ENAH: variants seen among roughly 807,000 people sequenced by gnomAD.
ENAH encodes the protein ENAH actin regulator, also known as protein enabled homolog.
In ENAH, 23 loss-of-function variants were observed where a neutral mutation model predicts 78.7. The ratio of observed to expected loss-of-function variants is 0.29; its 90% CI spans 0.21 to 0.41. The LOEUF is 0.41. Among genes scored for constraint, ENAH ranks in the 10% least tolerant of loss-of-function variants. ENAH has a pLI of 1.00. For synonymous variants in ENAH, 226 were observed against 241.0 expected, an observed-to-expected ratio of 0.94 and a Z score of 0.58; for missense variants, 544 against 691.0, an observed-to-expected ratio of 0.79 and a Z score of 2.39.
intron 7 of ENAH, 42 bp from the exon 8 acceptor site, chr1:225,513,058 C>T: frequency 6.6e-7 from 1 of 1,505,958 alleles, no homozygotes; most frequent in Non-Finnish European, 8.9e-7. Context: ...CTATGTTAGA[C>T]AACCATATTT....
chr1:225,590,905 T>C (rs1465561404), intron 1 of ENAH, among the ~76,000 whole-genome samples: 1 of 152,140 alleles, frequency 6.6e-6, no homozygotes, highest in Admixed American at 6.5e-5. Context: ...ACCTAGAAAA[T>C]ATAATATCCT....
intron 1 of ENAH, among the ~76,000 whole-genome samples, chr1:225,596,969 T>A (rs972720410): frequency 6.6e-6 from 1 of 152,178 alleles, no homozygotes; most frequent in Non-Finnish European, 1.5e-5. Context: ...AGCTGTTAGG[T>A]GTACTGTTTC....
chr1:225,597,330 G>A (rs2096906557), intron 1 of ENAH, among the ~76,000 whole-genome samples: 1 of 152,102 alleles, frequency 6.6e-6, no homozygotes, highest in Non-Finnish European at 1.5e-5. Context: ...CATCAAAAAT[G>A]TCTATGTTAA....
chr1:225,601,948 G>C (rs2096933284), intron 1 of ENAH, among the ~76,000 whole-genome samples: 1 of 151,570 alleles, frequency 6.6e-6, no homozygotes, highest in Admixed American at 6.6e-5. Flanking sequence ...ACAAAGAAAA[G>C]CCAAATAAAT....
chr1:225,541,785 G>T (rs1045559525), intron 3 of ENAH, among the ~76,000 whole-genome samples: 1 of 152,152 alleles, frequency 6.6e-6, no homozygotes, highest in African/African-American at 2.4e-5. Context: ...ATCATCAGAA[G>T]AACTTATTCT....
At chr1:225,608,218 C>CAAAAA (rs1313431806) in intron 1 of ENAH, among the ~76,000 whole-genome samples, 1 of 37,212 alleles carries the variant, frequency 2.7e-5, no homozygotes, top group African/African-American at 1.0e-4. Flanking sequence ...ATATAAAAAA[C>CAAAAA]AGAAAAAAAA....
At chr1:225,571,416 A>T (rs1266970051) in intron 1 of ENAH, among the ~76,000 whole-genome samples, 1 of 152,058 alleles carries the variant, frequency 6.6e-6, no homozygotes, top group Non-Finnish European at 1.5e-5. Flanking sequence ...GAAAAGTTGC[A>T]CTTGGGGGCC....
At chr1:225,591,148 A>G (rs890939881) in intron 1 of ENAH, among the ~76,000 whole-genome samples, 1 of 152,110 alleles carries the variant, frequency 6.6e-6, no homozygotes, top group Non-Finnish European at 1.5e-5. Flanking sequence ...TGGACTATAC[A>G]TTTTTTTCTC....
intron 1 of ENAH, among the ~76,000 whole-genome samples, chr1:225,644,664 A>T (rs546629844): frequency 1.3e-5 from 2 of 152,186 alleles, no homozygotes; most frequent in Non-Finnish European, 2.9e-5. Flanking sequence ...CCAAGTTGCA[A>T]ATGTAACAGA....
chr1:225,513,016 T>C lies in ENAH; in HGVS notation c.1219A>G (p.Met407Val). ...CCACTTGGGAAAGAGGTATCCTCCA[T>C]CTTAATGAGAATATACAGACATAAT... The part of the protein sequence containing the change: ...AGAKLRKVSR[M>V]EDTSFPSGGN... The change falls in exon 8 of 14, where the codon ATG (methionine) becomes GTG (valine). Residue 407 changes from methionine (M) to valine (V), a missense_variant and splice_region_variant. Transcript: ENST00000366843. 6.2e-7 allele frequency: 1 copy of C among 1,611,004 alleles called. No homozygotes were observed. The highest frequency in any genetic ancestry group is 8.5e-7 in the Non-Finnish European group (1 of 1,178,952).
At chr1:225,624,532 G>A (rs995571532) in intron 1 of ENAH, among the ~76,000 whole-genome samples, 1 of 152,080 alleles carries the variant, frequency 6.6e-6, no homozygotes, top group African/African-American at 2.4e-5. Flanking sequence ...GCTGAGGAAG[G>A]AGAATCGCTT....
intron 4 of ENAH, among the ~76,000 whole-genome samples, chr1:225,523,304 A>C (rs547458260): frequency 6.6e-6 from 1 of 151,610 alleles, no homozygotes; most frequent in South Asian, 2.1e-4. Context: ...AAGTAAGCTT[A>C]AGTCACAAGC....
At chr1:225,611,451 T>C (rs900305035) in intron 1 of ENAH, among the ~76,000 whole-genome samples, 2 of 152,122 alleles carry the variant, frequency 1.3e-5, no homozygotes, top group South Asian at 4.2e-4. Context: ...CCTGAGTAGC[T>C]GGGACTACAA....
intron 3 of ENAH, among the ~76,000 whole-genome samples, chr1:225,546,160 T>A (rs1328215992): frequency 6.6e-6 from 1 of 152,030 alleles, no homozygotes. Context: ...ACTCCTGACC[T>A]CAAGAGATCT....
At position 225,496,630 on chromosome 1, in the gene ENAH, A is replaced by G. The variant is rs772294047; in HGVS notation, c.*1145T>C. On this transcript the variant is annotated 3_prime_UTR_variant, in exon 14 of 14. Transcript: ENST00000366843. Reference sequence around the variant, plus strand: ...CAGAATCATGTTTCAGACCATTGAAATTACTGGTTAAAATACAAATAGCTG... The same window carrying G: ...CAGAATCATGTTTCAGACCATTGAAGTTACTGGTTAAAATACAAATAGCTG... The G allele has an allele frequency of 3.3e-5, 5 of 152,696 alleles. No individual in the cohort carries two copies. Among genetic ancestry groups the G allele is most frequent in the Non-Finnish European group, 7.3e-5 (5 of 68,050 alleles). The allele number at this position is 152,696 out of a possible 1,614,324, so 9.5% of individuals were successfully genotyped here.
At chr1:225,616,331 T>TAAAAAA (rs79946774) in intron 1 of ENAH, among the ~76,000 whole-genome samples, 1 of 126,722 alleles carries the variant, frequency 7.9e-6, no homozygotes. Flanking sequence ...AATAAATACT[T>TAAAAAA]AAAAAAAAAA....
At chr1:225,598,249 T>G (rs1462583174) in intron 1 of ENAH, among the ~76,000 whole-genome samples, 1 of 151,748 alleles carries the variant, frequency 6.6e-6, no homozygotes, top group East Asian at 1.9e-4. Context: ...AAAGAGAATA[T>G]AAAGTAAATT....
chr1:225,587,563 G>C (rs2096853644), intron 1 of ENAH, among the ~76,000 whole-genome samples: 1 of 152,118 alleles, frequency 6.6e-6, no homozygotes, highest in Non-Finnish European at 1.5e-5. Flanking sequence ...ATATTGTTAA[G>C]ATGTCAAGTC....
chr1:225,513,993 A>G (rs1015691744), intron 7 of ENAH, among the ~76,000 whole-genome samples: 6 of 152,114 alleles, frequency 3.9e-5, no homozygotes, highest in African/African-American at 1.4e-4. Flanking sequence ...CCGTCTCAAG[A>G]GAAAAAACAA....
Sources: allele counts gnomAD v4.1 joint callset (sites outside exome capture counted in the v4.1 genomes callset), GRCh38; gene constraint gnomAD v4.1.1; transcripts MANE v1.5; gene names NCBI Gene and HGNC (gene_info 2026-07-23, HGNC 2026-07-21).